Variants in RCAN2 observed in about 807,000 individuals in gnomAD.
RCAN2 encodes the protein regulator of calcineurin 2.
RCAN2 carries 9 observed loss-of-function variants against 23.6 expected under a neutral mutation model. The observed-to-expected ratio is 0.38, with a 90% CI of 0.23 to 0.67. The LOEUF is 0.67. RCAN2 is among the 30% of genes least tolerant of loss of function. RCAN2 has a pLI of 0.51. For missense variants in RCAN2, 273 were observed against 302.3 expected (o/e 0.90, Z 0.72); for synonymous variants, 109 against 115.7 (o/e 0.94, Z 0.37).
intron 2 of RCAN2, among the ~76,000 whole-genome samples, chr6:46,288,724 A>G (rs1263582322): frequency 6.6e-6 from 1 of 152,206 alleles, no homozygotes; most frequent in Non-Finnish European, 1.5e-5. Context: ...AAGGCAACCT[A>G]TTGCCTTGGG....
intron 2 of RCAN2, among the ~76,000 whole-genome samples, chr6:46,333,080 T>C (rs1235075154): frequency 6.6e-6 from 1 of 152,224 alleles, no homozygotes; most frequent in African/African-American, 2.4e-5. Flanking sequence ...CATTTTTTCA[T>C]GTGTTTTTTG....
chr6:46,328,674 G>C (rs1422709237), intron 2 of RCAN2, among the ~76,000 whole-genome samples: 3 of 152,140 alleles, frequency 2.0e-5, no homozygotes, highest in African/African-American at 7.2e-5. Flanking sequence ...GCAGTGGCAC[G>C]ATCTCAGCTC....
chr6:46,442,595 C>G (rs1767581686), intron 2 of RCAN2, among the ~76,000 whole-genome samples: 1 of 151,954 alleles, frequency 6.6e-6, no homozygotes, highest in Admixed American at 6.5e-5. Flanking sequence ...CTCATTTTTG[C>G]AAATAGGGAG....
chr6:46,483,631 T>G (rs1434157790), intron 1 of RCAN2, among the ~76,000 whole-genome samples: 1 of 152,220 alleles, frequency 6.6e-6, no homozygotes, highest in Admixed American at 6.5e-5. Flanking sequence ...AAATTTTTTT[T>G]GTTTACCTTG....
rs192964473 is a variant in RCAN2, at chr6:46,376,508, C to T, written c.225+80244G>A. Among the ~76,000 whole-genome samples the T allele has an allele frequency of 1.5e-3, 233 of 152,184 alleles. 1 individual carries two copies. The highest frequency in any genetic ancestry group is 5.2e-3 in the African/African-American group (215 of 41,512). ...CAGCCTGGTCAATATGGTAAAACCC[C>T]GTCTCTACTAAAAATACAAAAATTA... On this transcript the variant is annotated intron_variant, in intron 2 of 4. Coordinates refer to ENST00000371374, the MANE Select transcript of RCAN2 (RefSeq NM_001251974.2).
chr6:46,252,975 T>C (rs778037472), intron 2 of RCAN2, among the ~76,000 whole-genome samples: 2 of 152,256 alleles, frequency 1.3e-5, no homozygotes, highest in Non-Finnish European at 2.9e-5. Flanking sequence ...ACATTTTATA[T>C]GATTTTATTA....
intron 2 of RCAN2, among the ~76,000 whole-genome samples, chr6:46,359,322 C>T (rs369562512): frequency 1.2e-4 from 18 of 152,140 alleles, no homozygotes; most frequent in East Asian, 9.6e-4. Flanking sequence ...CACAGCTTTT[C>T]GACAGTTCCG....
At chr6:46,276,247 G>T (rs370888156) in intron 2 of RCAN2, among the ~76,000 whole-genome samples, 1 of 113,894 alleles carries the variant, frequency 8.8e-6, no homozygotes. Flanking sequence ...AACTATGCAG[G>T]GTTGGTGTGT....
In RCAN2 at chr6:46,484,114, C is replaced by A. The variant is rs543158373; in HGVS notation, c.-3+7059G>T. Among the ~76,000 whole-genome samples, 11 of 152,250 alleles carry A rather than the reference C, an allele frequency of 7.2e-5. No individual in the cohort carries two copies. In the South Asian group the frequency reaches 1.0e-3, roughly 14 times the overall value. On this transcript the variant is annotated intron_variant, in intron 1 of 4. Coordinates refer to ENST00000371374, the MANE Select transcript of RCAN2 (RefSeq NM_001251974.2). Reference sequence around the variant, plus strand: ...AGTTACAGAAGTCAAAATAAATAATCAATTAAATTAATCTAGCCTGACTTT... The same window carrying A: ...AGTTACAGAAGTCAAAATAAATAATAAATTAAATTAATCTAGCCTGACTTT...
chr6:46,485,029 G>C (rs528613471), intron 1 of RCAN2, among the ~76,000 whole-genome samples: 11 of 152,186 alleles, frequency 7.2e-5, no homozygotes. Context: ...AGCAATGTCA[G>C]TATACAGAGA....
intron 2 of RCAN2, among the ~76,000 whole-genome samples, chr6:46,342,777 T>G (rs1319442951): frequency 6.6e-6 from 1 of 151,812 alleles, no homozygotes; most frequent in Non-Finnish European, 1.5e-5. Context: ...AGAAACCAGA[T>G]GAACTCACAG....
chr6:46,425,896 CTTTTTTTTTT>C (rs1049166361), intron 2 of RCAN2, among the ~76,000 whole-genome samples: 1 of 126,696 alleles, frequency 7.9e-6, no homozygotes, highest in South Asian at 2.7e-4. Flanking sequence ...TTCTTTCTTT[CTTTTTTTTTT>C]TTTTTTTTTT....
At chr6:46,282,461 A>G (rs879734175) in intron 2 of RCAN2, among the ~76,000 whole-genome samples, 10 of 134,726 alleles carry the variant, frequency 7.4e-5, no homozygotes, top group Non-Finnish European at 1.4e-4. Context: ...TGGGTGACAG[A>G]GCAAGACTCT....
chr6:46,278,249 T>C (rs566996201), intron 2 of RCAN2, among the ~76,000 whole-genome samples: 5 of 152,250 alleles, frequency 3.3e-5, no homozygotes, highest in Non-Finnish European at 7.4e-5. Context: ...TATTTTGATA[T>C]AATTTCAAGA....
At chr6:46,380,602 G>A (rs1765594397) in intron 2 of RCAN2, among the ~76,000 whole-genome samples, 1 of 152,216 alleles carries the variant, frequency 6.6e-6, no homozygotes, top group Non-Finnish European at 1.5e-5. Context: ...AGCAAGCTCT[G>A]CAGGGGATTC....
intron 4 of RCAN2, among the ~76,000 whole-genome samples, chr6:46,236,403 A>T (rs1766098707): frequency 6.6e-6 from 1 of 150,708 alleles, no homozygotes; most frequent in Non-Finnish European, 1.5e-5. Context: ...TGAGACAGAA[A>T]ATCTTATGTT....
chr6:46,269,658 T>C (rs1561836510), intron 2 of RCAN2, among the ~76,000 whole-genome samples: 1 of 152,220 alleles, frequency 6.6e-6, no homozygotes, highest in Non-Finnish European at 1.5e-5. Context: ...GCTGTGCAGA[T>C]ACAGGCCTTT....
chr6:46,233,918 G>A lies in RCAN2; in HGVS notation c.572-10617C>T, dbSNP rs145215924. On this transcript the variant is annotated intron_variant, in intron 4 of 4. Coordinates refer to ENST00000371374, the MANE Select transcript of RCAN2 (RefSeq NM_001251974.2). ...AATTTTTTGTATTTTTAGTAGAGACGGGGTTTCACCATATTGGCCAGACTG... is the reference window on the plus strand; with the variant it reads ...AATTTTTTGTATTTTTAGTAGAGACAGGGTTTCACCATATTGGCCAGACTG... 5.0e-3 allele frequency among the ~76,000 whole-genome samples: 757 copies of A among 152,000 alleles called. 3 individuals are homozygous for A. The highest frequency in any genetic ancestry group is 0.016 in the African/African-American group (672 of 41,438).
chr6:46,371,110 C>T (rs755591746), intron 2 of RCAN2, among the ~76,000 whole-genome samples: 23 of 152,122 alleles, frequency 1.5e-4, no homozygotes, highest in Non-Finnish European at 2.6e-4. Flanking sequence ...TCATCACCTT[C>T]TCAAAGGACC....
Sources: allele counts gnomAD v4.1 joint callset (sites outside exome capture counted in the v4.1 genomes callset), GRCh38; gene constraint gnomAD v4.1.1; transcripts MANE v1.5; gene names NCBI Gene and HGNC (gene_info 2026-07-23, HGNC 2026-07-21).